The following IFNG-AS1 variants were observed in gnomAD, a reference collection of about 807,000 sequenced individuals.
IFNG-AS1 encodes the protein IFNG antisense RNA 1 (non-protein coding).
intron 2 of IFNG-AS1, among the ~76,000 whole-genome samples, chr12:67,998,194 T>C (rs1240879679): frequency 6.6e-6 from 1 of 151,962 alleles, no homozygotes; most frequent in Non-Finnish European, 1.5e-5. Context: ...GGGTTATTAA[T>C]TGTGACATTG....
intron 1 of IFNG-AS1, among the ~76,000 whole-genome samples, chr12:67,995,038 T>G (rs1159741041): frequency 6.6e-6 from 1 of 152,186 alleles, no homozygotes; most frequent in Non-Finnish European, 1.5e-5. Flanking sequence ...CTATCAAATG[T>G]CAAGAAAACT....
chr12:68,018,967 T>C (rs1880222497), intron 3 of IFNG-AS1, among the ~76,000 whole-genome samples: 1 of 152,060 alleles, frequency 6.6e-6, no homozygotes, highest in Admixed American at 6.5e-5. Context: ...GAATTTGAAC[T>C]CTCTCATACT....
At chr12:67,990,720 A>G (rs987298551) in intron 1 of IFNG-AS1, among the ~76,000 whole-genome samples, 21 of 151,870 alleles carry the variant, frequency 1.4e-4, no homozygotes, top group African/African-American at 5.1e-4. Flanking sequence ...CAGCCTCCCA[A>G]TGGCTGGGAT....
chr12:68,007,014 A>G (rs1592825445), intron 3 of IFNG-AS1, among the ~76,000 whole-genome samples: 1 of 152,260 alleles, frequency 6.6e-6, no homozygotes, highest in Non-Finnish European at 1.5e-5. Context: ...ATATACCCTT[A>G]GAATGATTTT....
At chr12:67,995,715 C>T (rs1290136742) in intron 1 of IFNG-AS1, among the ~76,000 whole-genome samples, 5 of 139,606 alleles carry the variant, frequency 3.6e-5, no homozygotes, top group East Asian at 2.0e-4. Flanking sequence ...GAGTGAGACT[C>T]GGTCTCCAAA....
intron 3 of IFNG-AS1, among the ~76,000 whole-genome samples, chr12:68,018,702 T>C (rs1592831480): frequency 6.6e-6 from 1 of 152,180 alleles, no homozygotes; most frequent in South Asian, 2.1e-4. Flanking sequence ...AGAGTGGCTG[T>C]ATGTGCTGTA....
intron 3 of IFNG-AS1, chr12:68,013,682 T>A (rs551771566): frequency 1.3e-5 from 2 of 152,288 alleles, no homozygotes; most frequent in South Asian, 4.1e-4. Flanking sequence ...GGACTTTGAG[T>A]AAAGTAGATA....
intron 2 of IFNG-AS1, among the ~76,000 whole-genome samples, chr12:67,998,470 CA>C (rs1215581547): frequency 6.6e-6 from 1 of 150,542 alleles, no homozygotes; most frequent in Admixed American, 6.6e-5. Context: ...GAAAGAAAAC[CA>C]CAAAAAGGTT....
At chr12:68,014,516 T>C (rs1174555237) in intron 3 of IFNG-AS1, among the ~76,000 whole-genome samples, 1 of 152,198 alleles carries the variant, frequency 6.6e-6, no homozygotes, top group Non-Finnish European at 1.5e-5. Context: ...CATATTGTGG[T>C]TTTGATATTG....
intron 3 of IFNG-AS1, among the ~76,000 whole-genome samples, chr12:68,010,333 A>T (rs1474423188): frequency 6.6e-6 from 1 of 152,178 alleles, no homozygotes; most frequent in Admixed American, 6.5e-5. Context: ...AAAAATTCTC[A>T]CTAAGCCACA....
intron 2 of IFNG-AS1, among the ~76,000 whole-genome samples, chr12:68,001,899 C>A (rs954795642): frequency 2.6e-5 from 4 of 152,082 alleles, no homozygotes; most frequent in African/African-American, 9.7e-5. Context: ...GGGCCACAGA[C>A]AAATAAGCTA....
chr12:68,006,097 C>T (rs1030221485), exon 3 of IFNG-AS1: 3 of 152,166 alleles, frequency 2.0e-5, no homozygotes, highest in Non-Finnish European at 2.9e-5. Flanking sequence ...TAGCGTAAAA[C>T]GCTGGAGGAG....
chr12:67,990,228 A>C (rs911514018), intron 1 of IFNG-AS1, among the ~76,000 whole-genome samples: 1 of 152,254 alleles, frequency 6.6e-6, no homozygotes, highest in Admixed American at 6.5e-5. Flanking sequence ...ATTAAGTTAA[A>C]TCACGTAAAT....
intron 3 of IFNG-AS1, among the ~76,000 whole-genome samples, chr12:68,007,325 T>A (rs1213336533): frequency 6.6e-6 from 1 of 152,244 alleles, no homozygotes; most frequent in African/African-American, 2.4e-5. Context: ...CCTTATATGA[T>A]GCAGCTCTAC....
At chr12:67,994,926 C>G (rs1879599447) in intron 1 of IFNG-AS1, among the ~76,000 whole-genome samples, 1 of 152,108 alleles carries the variant, frequency 6.6e-6, no homozygotes, top group Non-Finnish European at 1.5e-5. Flanking sequence ...GTTTCCTCAT[C>G]CAGAAAGTGG....
rs755483588 is a variant in IFNG-AS1 at position 68,003,425 on chromosome 12, C to CTTT, written n.185-2652_185-2650dup. Among the ~76,000 whole-genome samples, 447 of 142,756 alleles carry CTTT rather than the reference C, an allele frequency of 3.1e-3. 5 individuals are homozygous for CTTT. Among genetic ancestry groups the CTTT allele is most frequent in the Middle Eastern group, 0.018 (5 of 282 alleles). 93.7% of individuals were successfully genotyped at this position (142,756 alleles called of 152,430 possible). The stretch of plus-strand genomic sequence containing the variant: ...TCATAGAAGCTAATCATATTCCCCC[C>CTTT]TTTTTTTTTTTTTTTGCATTGAGCA... On this transcript the variant is annotated intron_variant and non_coding_transcript_variant, in intron 2 of 5. Coordinates refer to ENST00000536914, the Ensembl canonical transcript of IFNG-AS1.
chr12:68,012,742 G>A (rs1209554945), intron 3 of IFNG-AS1, among the ~76,000 whole-genome samples: 3 of 152,144 alleles, frequency 2.0e-5, no homozygotes, highest in African/African-American at 7.2e-5. Flanking sequence ...TCACCTCACA[G>A]GCATACCATA....
rs554389395 is a variant in IFNG-AS1, at chr12:68,017,447, T to C, written n.242-2415T>C. ...TCATTGGGTTTGCAGAGGCTTGGAT[T>C]TGAGTACTGGAAGCTGAGATGGGAA... On this transcript the variant is annotated intron_variant and non_coding_transcript_variant, in intron 3 of 5. Transcript: ENST00000536914. Among the ~76,000 whole-genome samples the C allele has an allele frequency of 2.6e-5, 4 of 152,210 alleles. No individual in the cohort carries two copies. In the East Asian group the frequency reaches 7.7e-4, roughly 29 times the overall value.
At chr12:68,015,908 T>A (rs1880141863) in intron 3 of IFNG-AS1, among the ~76,000 whole-genome samples, 1 of 151,402 alleles carries the variant, frequency 6.6e-6, no homozygotes, top group Non-Finnish European at 1.5e-5. Context: ...ACTTCACGGT[T>A]TAGTGCCTCC....
Sources: allele counts gnomAD v4.1 joint callset (sites outside exome capture counted in the v4.1 genomes callset), GRCh38; gene constraint gnomAD v4.1.1; transcripts MANE v1.5; gene names NCBI Gene and HGNC (gene_info 2026-07-23, HGNC 2026-07-21).